Variants in CYRIB observed in about 807,000 individuals in gnomAD.
CYRIB encodes CYFIP-related Rac1 interactor B.
In CYRIB, 8 loss-of-function variants were observed where a neutral mutation model predicts 44.2. The observed-to-expected ratio is 0.18, with a 90% CI of 0.11 to 0.33. The LOEUF (loss-of-function observed/expected upper bound fraction) is 0.33, where lower values mean the gene tolerates loss of function less well. Ranked by LOEUF, CYRIB falls within the 10% of genes least tolerant of loss-of-function variation. The pLI is 1.00. For missense variants in CYRIB, 185 were observed against 382.8 expected (o/e 0.48, Z 4.31); for synonymous variants, 131 against 127.2 (o/e 1.03, Z -0.20).
chr8:129,897,238 C>T (rs2068537962), intron 2 of CYRIB, among the ~76,000 whole-genome samples: 4 of 152,192 alleles, frequency 2.6e-5, no homozygotes, highest in South Asian at 2.1e-4. Flanking sequence ...CATCTCACCA[C>T]TGCTTAAATA....
At chr8:129,845,666 CTGAAA>C (rs2039520523) in intron 11 of CYRIB, among the ~76,000 whole-genome samples, 1 of 152,080 alleles carries the variant, frequency 6.6e-6, no homozygotes, top group African/African-American at 2.4e-5. Context: ...TTCCGCTTAG[CTGAAA>C]TGATACAGCC....
rs538471693 is a variant in CYRIB at position 129,872,670 on chromosome 8, C to T, written c.74-1174G>A. On this transcript the variant is annotated intron_variant, in intron 3 of 11. Coordinates refer to ENST00000519824, the Ensembl canonical transcript of CYRIB. The stretch of plus-strand genomic sequence containing the variant: ...AAATGACTGGCAGAATTCCTCCATG[C>T]TAAAATTTTCTCTTATGAGGGAAAA... Among the ~76,000 whole-genome samples the T allele has an allele frequency of 1.5e-4, 23 of 152,048 alleles. No individual in the cohort carries two copies. The South Asian group carries it at 4.8e-3, about 32-fold the overall frequency.
At chr8:129,977,767 C>T (rs568051288) in intron 1 of CYRIB, among the ~76,000 whole-genome samples, 98 of 152,168 alleles carry the variant, frequency 6.4e-4, no homozygotes, top group Non-Finnish European at 1.1e-3. Flanking sequence ...CTCCTGACCT[C>T]GTGATCTGCC....
chr8:130,003,695 G>A (rs2096961663), intron 1 of CYRIB, among the ~76,000 whole-genome samples: 1 of 152,188 alleles, frequency 6.6e-6, no homozygotes, highest in Non-Finnish European at 1.5e-5. Context: ...TCTTCTTTTG[G>A]TTTTAGGTGT....
chr8:129,908,551 A>G (rs912842529), intron 1 of CYRIB, among the ~76,000 whole-genome samples: 1 of 152,192 alleles, frequency 6.6e-6, no homozygotes, highest in African/African-American at 2.4e-5. Context: ...AAATAAACTC[A>G]AAGTGTGTAG....
chr8:130,015,044 CTCAAAG>C (rs1308539353), intron 1 of CYRIB, among the ~76,000 whole-genome samples: 1 of 152,198 alleles, frequency 6.6e-6, no homozygotes, highest in Non-Finnish European at 1.5e-5. Context: ...ATGGGAGAGT[CTCAAAG>C]TCAGAGTTTA....
intron 1 of CYRIB, among the ~76,000 whole-genome samples, chr8:130,010,943 G>A (rs936871328): frequency 1.3e-5 from 2 of 152,076 alleles, no homozygotes; most frequent in African/African-American, 2.4e-5. Flanking sequence ...AACCTCCGAG[G>A]CAATCCCCAC....
chr8:129,940,674 T>A (rs2093622404), upstream of CYRIB, among the ~76,000 whole-genome samples: 1 of 151,594 alleles, frequency 6.6e-6, no homozygotes, highest in Non-Finnish European at 1.5e-5. Context: ...TAAAGCTGAA[T>A]TTTTTTTTAT....
intron 2 of CYRIB, among the ~76,000 whole-genome samples, chr8:129,965,313 G>A (rs1165026642): frequency 1.3e-5 from 2 of 151,920 alleles, no homozygotes; most frequent in Non-Finnish European, 2.9e-5. Context: ...AATCAAGCAT[G>A]AGTATGTGTG....
chr8:129,978,374 G>A (rs535349412), intron 1 of CYRIB, among the ~76,000 whole-genome samples: 1 of 152,318 alleles, frequency 6.6e-6, no homozygotes, highest in East Asian at 1.9e-4. Context: ...TCACACAAGT[G>A]ATTCCAATTT....
intron 3 of CYRIB, among the ~76,000 whole-genome samples, chr8:129,873,862 A>G (rs183732319): frequency 1.3e-5 from 2 of 152,182 alleles, no homozygotes; most frequent in East Asian, 3.9e-4. Context: ...TAGGGTGAGA[A>G]AAACACCCAG....
chr8:129,885,340 T>C (rs2062315617), intron 2 of CYRIB, among the ~76,000 whole-genome samples: 1 of 152,212 alleles, frequency 6.6e-6, no homozygotes, highest in African/African-American at 2.4e-5. Flanking sequence ...ACTCAACTTA[T>C]TTCTTAAGCA....
upstream of CYRIB, among the ~76,000 whole-genome samples, chr8:129,944,722 G>A (rs545123398): frequency 5.3e-5 from 8 of 151,798 alleles, 1 homozygote; most frequent in South Asian, 1.5e-3. Flanking sequence ...GGCAGAGGTC[G>A]CAGTGAGCCA....
In CYRIB at chr8:129,878,620, ATTC is replaced by A. The variant is rs574791616; in HGVS notation, c.73+766_73+768del. ...TTCACACTAAAACACCAATTTAATAATTCTTCTCAATTTAACAACCAGACAAGC... is the reference window on the plus strand; with the variant it reads ...TTCACACTAAAACACCAATTTAATAATTCTCAATTTAACAACCAGACAAGC... On this transcript the variant is annotated intron_variant, in intron 3 of 11. Coordinates refer to ENST00000519824, the Ensembl canonical transcript of CYRIB. 7.4e-3 allele frequency among the ~76,000 whole-genome samples: 1,130 copies of A among 152,294 alleles called. 5 individuals carry two copies. Among genetic ancestry groups the A allele is most frequent in the Middle Eastern group, 0.034 (10 of 294 alleles).
At chr8:129,865,856 C>T (rs2053240551) in intron 4 of CYRIB, among the ~76,000 whole-genome samples, 1 of 152,126 alleles carries the variant, frequency 6.6e-6, no homozygotes, top group African/African-American at 2.4e-5. Flanking sequence ...TAGATAAATA[C>T]CTTTCAAGTG....
chr8:129,933,998 T>C (rs2092310194), intron 1 of CYRIB, among the ~76,000 whole-genome samples: 1 of 152,076 alleles, frequency 6.6e-6, no homozygotes, highest in Non-Finnish European at 1.5e-5. Context: ...GAAAGGGCTG[T>C]ATGTATAAAA....
At chr8:129,906,381 G>A (rs997891255) in intron 1 of CYRIB, among the ~76,000 whole-genome samples, 5 of 152,136 alleles carry the variant, frequency 3.3e-5, no homozygotes, top group African/African-American at 1.2e-4. Context: ...AATGGTGCTG[G>A]GAAAACTGGC....
chr8:129,854,354 C>T lies in CYRIB; in HGVS notation c.439-11G>A. ...GGCAGGATTTGTCATCTGAAGAAGA[C>T]AGTTGTGGAAAAAAAATGTTATGTA... is the stretch of plus-strand genomic sequence containing the variant. On this transcript the variant is annotated splice_polypyrimidine_tract_variant and intron_variant, in intron 6 of 11. Coordinates refer to ENST00000519824, the Ensembl canonical transcript of CYRIB. 4 of 1,593,342 alleles carry T rather than the reference C, an allele frequency of 2.5e-6. No homozygotes were observed. Among genetic ancestry groups the T allele is most frequent in the South Asian group, 1.1e-5 (1 of 86,962 alleles).
chr8:129,998,045 C>T (rs781369215), intron 1 of CYRIB, among the ~76,000 whole-genome samples: 14 of 146,550 alleles, frequency 9.6e-5, no homozygotes, highest in Non-Finnish European at 1.8e-4. Context: ...CGTCTGAACT[C>T]GGGAGGCAGA....
Sources: allele counts gnomAD v4.1 joint callset (sites outside exome capture counted in the v4.1 genomes callset), GRCh38; gene constraint gnomAD v4.1.1; transcripts MANE v1.5; gene names NCBI Gene and HGNC (gene_info 2026-07-23, HGNC 2026-07-21).